The following ZNF423 variants were observed in gnomAD, a reference collection of about 807,000 sequenced individuals.
The protein encoded by ZNF423 is zinc finger protein 423.
A neutral mutation model predicts 95.8 loss-of-function variants in ZNF423; 12 were observed. The ratio of observed to expected loss-of-function variants is 0.13; its 90% CI spans 0.08 to 0.20. The LOEUF (loss-of-function observed/expected upper bound fraction) is 0.20, where lower values mean the gene tolerates loss of function less well. ZNF423 is among the 10% of genes least tolerant of loss of function. The pLI is 1.00. For synonymous variants in ZNF423, 749 were observed against 711.9 expected (o/e 1.05, Z -0.83); for missense variants, 1,316 against 1,737.1 (o/e 0.76, Z 4.31).
chr16:49,813,282 A>G (rs948487920), intron 1 of ZNF423, among the ~76,000 whole-genome samples: 1 of 142,170 alleles, frequency 7.0e-6, no homozygotes, highest in Non-Finnish European at 1.5e-5. Context: ...CTTCACCCCC[A>G]GCCCACCCTG....
intron 5 of ZNF423, among the ~76,000 whole-genome samples, chr16:49,582,844 C>G (rs1223166585): frequency 1.3e-5 from 2 of 152,222 alleles, no homozygotes; most frequent in Non-Finnish European, 2.9e-5. Flanking sequence ...ACATTTAACT[C>G]ACTGGAATGA....
intron 2 of ZNF423, among the ~76,000 whole-genome samples, chr16:49,767,754 C>G (rs4785342): frequency 0.16 from 24,416 of 152,164 alleles, 2,042 homozygotes; most frequent in South Asian, 0.26. Context: ...CCAGCAGGCA[C>G]CAGGACACAG....
In ZNF423 at chr16:49,721,332, A is replaced by G. The variant is rs2032859929; in HGVS notation, c.301+9439T>C. ...CCTTAACGGGAATGAATGAACACCC[A>G]TGCACAGGCATTCACGGCCCCGAAT... is the stretch of plus-strand genomic sequence containing the variant. On this transcript the variant is annotated intron_variant, in intron 3 of 7. Coordinates refer to ENST00000563137, the MANE Select transcript of ZNF423 (RefSeq NM_001379286.1). Among the ~76,000 whole-genome samples, 6 of 152,166 alleles carry G rather than the reference A, an allele frequency of 3.9e-5. No homozygotes were observed. In the South Asian group the frequency reaches 1.0e-3, roughly 26 times the overall value.
intron 5 of ZNF423, among the ~76,000 whole-genome samples, chr16:49,596,327 GA>G (rs752539937): frequency 2.2e-4 from 34 of 152,164 alleles, no homozygotes; most frequent in Non-Finnish European, 4.4e-5. Context: ...GTAATTACCA[GA>G]GACAACGTCA....
chr16:49,853,557 C>T, intron 1 of ZNF423: 1 of 852,280 alleles, frequency 1.2e-6, no homozygotes, highest in Non-Finnish European at 1.4e-6. Flanking sequence ...CTGATATTTA[C>T]AACACCGAGT....
At chr16:49,723,409 C>T (rs1826941005) in intron 3 of ZNF423, among the ~76,000 whole-genome samples, 2 of 152,250 alleles carry the variant, frequency 1.3e-5, no homozygotes, top group South Asian at 4.1e-4. Flanking sequence ...CTCAACCTAG[C>T]CTTTGCCATG....
chr16:49,602,912 C>T (rs1322391808), intron 5 of ZNF423, among the ~76,000 whole-genome samples: 1 of 152,200 alleles, frequency 6.6e-6, no homozygotes, highest in African/African-American at 2.4e-5. Flanking sequence ...TGAGCAAACC[C>T]CAAAGGTTAA....
rs558042735 is a variant in ZNF423 at position 49,793,226 on chromosome 16, G to A, written c.41-3680C>T. Among the ~76,000 whole-genome samples the A allele has an allele frequency of 2.4e-3, 370 of 151,880 alleles. 14 individuals are homozygous for A. The South Asian group carries it at 0.075, about 31-fold the overall frequency. ...GCAATGGCATCACTAAGCAGGGGCA[G>A]CAGGCACAGAGGAAGGAGGGCCCGT... On this transcript the variant is annotated intron_variant, in intron 1 of 7. Coordinates refer to ENST00000563137, the MANE Select transcript of ZNF423 (RefSeq NM_001379286.1).
chr16:49,638,959 C>G lies in ZNF423; in HGVS notation c.302-85G>C. ...ACAGAGCCAGCTTCTCGACAGCACG[C>G]GGGCTGAGGCTGTGCAGCTGGCCAA... On this transcript the variant is annotated intron_variant, in intron 3 of 7. Transcript: ENST00000563137. The surrounding 1 kb of genome is among the most constrained non-coding windows in gnomAD (Gnocchi z 5.6). 1 of 1,475,556 alleles carries G rather than the reference C, an allele frequency of 6.8e-7. No homozygotes were observed. The highest frequency in any genetic ancestry group is 2.4e-5 in the East Asian group (1 of 41,086). The allele number at this position is 1,475,556 out of a possible 1,614,324, so 91.4% of individuals were successfully genotyped here.
At chr16:49,539,743 G>T (rs1969185550) in intron 5 of ZNF423, among the ~76,000 whole-genome samples, 1 of 152,124 alleles carries the variant, frequency 6.6e-6, no homozygotes. Flanking sequence ...GGAGGAGTCT[G>T]GGAGGCCTGG....
At chr16:49,687,318 G>T (rs527701115) in intron 3 of ZNF423, among the ~76,000 whole-genome samples, 50 of 152,126 alleles carry the variant, frequency 3.3e-4, no homozygotes, top group African/African-American at 1.2e-3. Flanking sequence ...GGGTGGAAGT[G>T]GGGGAAGCTT....
intron 5 of ZNF423, among the ~76,000 whole-genome samples, chr16:49,570,399 C>A (rs143123413): frequency 6.6e-6 from 1 of 152,244 alleles, no homozygotes; most frequent in East Asian, 1.9e-4. Context: ...CCACAGAGCA[C>A]CACAGAGCTA....
intron 5 of ZNF423, among the ~76,000 whole-genome samples, chr16:49,527,921 C>T (rs1007779184): frequency 3.9e-5 from 6 of 152,152 alleles, no homozygotes; most frequent in African/African-American, 9.7e-5. Context: ...AGCACACACA[C>T]GTGTGCATGC....
intron 5 of ZNF423, among the ~76,000 whole-genome samples, chr16:49,537,401 T>C (rs1341437723): frequency 6.6e-6 from 1 of 152,238 alleles, no homozygotes; most frequent in African/African-American, 2.4e-5. Flanking sequence ...TTCTCAGCTC[T>C]GCTTCTGCAG....
intron 1 of ZNF423, among the ~76,000 whole-genome samples, chr16:49,842,266 AGGGAGGGGAGGGGAGGGGAG>A (rs1335854390): frequency 4.6e-5 from 1 of 21,918 alleles, no homozygotes; most frequent in Non-Finnish European, 8.6e-5. Context: ...GGGGAGGGGA[AGGGAGGGGAGGGGAGGGGAG>A]GGGAGGGGAG....
At chr16:49,858,930 G>A (rs2035402262), upstream of ZNF423, among the ~76,000 whole-genome samples, 2 of 152,150 alleles carry the variant, frequency 1.3e-5, no homozygotes, top group South Asian at 4.1e-4. This position sits in a 1 kb window ranked among gnomAD's most constrained non-coding sequence, Gnocchi z 4.3. Flanking sequence ...GCTGGGGGAG[G>A]GGGACGATTG....
chr16:49,674,241 G>A (rs1024867564), intron 3 of ZNF423, among the ~76,000 whole-genome samples: 3 of 152,160 alleles, frequency 2.0e-5, no homozygotes, highest in African/African-American at 4.8e-5. Flanking sequence ...AGTGTGAAAC[G>A]CAAACAAAAT....
chr16:49,740,987 C>T (rs181067677), intron 2 of ZNF423, among the ~76,000 whole-genome samples: 68 of 152,280 alleles, frequency 4.5e-4, no homozygotes, highest in African/African-American at 1.6e-3. Context: ...ATTTTACAGA[C>T]GGCAAAACTG....
intron 2 of ZNF423, among the ~76,000 whole-genome samples, chr16:49,781,245 G>A (rs545908725): frequency 1.6e-3 from 238 of 152,340 alleles, no homozygotes; most frequent in Non-Finnish European, 2.6e-3. Flanking sequence ...CCACCCACAC[G>A]AAGATGTTCA....
Sources: allele counts gnomAD v4.1 joint callset (sites outside exome capture counted in the v4.1 genomes callset), GRCh38; gene constraint gnomAD v4.1.1; non-coding constraint Gnocchi (gnomAD v3.1); transcripts MANE v1.5; gene names NCBI Gene and HGNC (gene_info 2026-07-23, HGNC 2026-07-21).